Variants in XDH observed in about 807,000 individuals in gnomAD.
XDH encodes the protein xanthine dehydrogenase.
Under a neutral mutation model 156.1 loss-of-function variants are expected in XDH, and 138 were observed. That is an observed-to-expected ratio of 0.88 (90% CI 0.77 to 1.02). XDH has a LOEUF of 1.02. Among genes scored for constraint, XDH ranks in the 50% least tolerant of loss-of-function variants. The pLI, the probability that XDH is intolerant of heterozygous loss-of-function variation, is 0.00. For synonymous variants in XDH, 669 were observed against 625.7 expected, an observed-to-expected ratio of 1.07 and a Z score of -1.03; for missense variants, 1,849 against 1,684.9, an observed-to-expected ratio of 1.10 and a Z score of -1.71.
intron 1 of XDH, among the ~76,000 whole-genome samples, chr2:31,414,251 G>A (rs1227063098): frequency 6.6e-6 from 1 of 151,996 alleles, no homozygotes; most frequent in Admixed American, 6.6e-5. Flanking sequence ...TAAATTTTAG[G>A]ATATATTTGA....
At chr2:31,375,019 C>CTT (rs757150117) in intron 15 of XDH, among the ~76,000 whole-genome samples, 3,450 of 100,588 alleles carry the variant, frequency 0.034, 124 homozygotes, top group African/African-American at 0.087. Context: ...TTCTTTCTTT[C>CTT]TTTCTTTTTT....
At chr2:31,358,761 C>T (rs894292253) in intron 24 of XDH, among the ~76,000 whole-genome samples, 1 of 152,096 alleles carries the variant, frequency 6.6e-6, no homozygotes, top group Non-Finnish European at 1.5e-5. Flanking sequence ...CTTTCTTAAT[C>T]TGATCATGAG....
At chr2:31,339,766 T>A in intron 33 of XDH, 89 bp from the exon 34 acceptor site, 1 of 1,526,926 alleles carries the variant, frequency 6.5e-7, no homozygotes, top group Non-Finnish European at 8.9e-7. Context: ...AAGCGCCAAC[T>A]GCAGCGCGGC....
In XDH at chr2:31,365,621, A is replaced by G; in HGVS notation, c.2457-77T>C. On this transcript the variant is annotated intron_variant, in intron 22 of 35. Coordinates refer to ENST00000379416, the MANE Select transcript of XDH (RefSeq NM_000379.4). ...GCCCTGCAAGTCTCAGAATAAAAAC[A>G]GCCGGGAAGCCATCTTTTCCACCTG... 2.6e-6 allele frequency: 4 copies of G among 1,549,042 alleles called. No homozygotes were observed. The South Asian group carries it at 4.5e-5, about 17-fold the overall frequency.
rs561242286 is a variant in XDH, at chr2:31,338,123, T to C, written c.3775-306A>G. ...TTTAAAGTTATACTCGGTAATTGTA[T>C]TTTACAGACCACAAAATCTGACGTG... On this transcript the variant is annotated intron_variant, in intron 34 of 35. Transcript: ENST00000379416. Among the ~76,000 whole-genome samples the C allele has an allele frequency of 4.5e-3, 679 of 152,346 alleles. 5 individuals carry two copies. The highest frequency in any genetic ancestry group is 0.015 in the African/African-American group (627 of 41,578).
intron 24 of XDH, among the ~76,000 whole-genome samples, chr2:31,362,171 A>G (rs2148764749): frequency 6.6e-6 from 1 of 152,316 alleles, no homozygotes; most frequent in East Asian, 1.9e-4. Context: ...AGCTTTCCTC[A>G]GAGCACTAGG....
chr2:31,384,061 T>A, intron 9 of XDH: 2 of 552,092 alleles, frequency 3.6e-6, no homozygotes, highest in Non-Finnish European at 6.5e-6. Flanking sequence ...AACTAGGTCT[T>A]TCTTTCCCTC....
chr2:31,375,492 G>A lies in XDH; in HGVS notation c.1490C>T (p.Pro497Leu). 1.2e-6 allele frequency: 2 copies of A among 1,614,150 alleles called. No individual in the cohort carries two copies. Among genetic ancestry groups the A allele is most frequent in the South Asian group, 1.1e-5 (1 of 91,086 alleles). Residue 497 changes from proline (P) to leucine (L), a missense_variant, in exon 15 of 36, where the codon CCT (proline) becomes CTT (leucine). Physicochemically the swap from Pro to Leu is moderately conservative, Grantham distance 98. Transcript: ENST00000379416. ...CACCATGCCACCAGGGGCATCGGGA[G>A]GCAGATGCAGCTCCTCTGCCAGTCC... is the stretch of plus-strand genomic sequence containing the variant. The part of the protein sequence containing the change: ...CAGLAEELHL[P>L]PDAPGGMVDF...
Position 31,366,051 on chromosome 2 carries a change from C to A in XDH, c.2381G>T (p.Arg794Ile), listed in dbSNP as rs1445742693. 1.9e-6 allele frequency: 3 copies of A among 1,614,218 alleles called. No individual in the cohort carries two copies. The South Asian group carries it at 3.3e-5, about 18-fold the overall frequency. Residue 794 changes from arginine to isoleucine, a missense_variant, in exon 22 of 36, where the codon AGA (arginine) becomes ATA (isoleucine). Physicochemically the swap from Arg to Ile is moderately conservative, Grantham distance 97. Transcript: ENST00000379416. ...PANRIVVRVK[R>I]MGGGFGGKET... Reference sequence around the variant, plus strand: ...CTTGCCTCCAAAGCCTCCTCCCATTCTCTTCACTCGAACCACAATCCGGTT... The same window carrying A: ...CTTGCCTCCAAAGCCTCCTCCCATTATCTTCACTCGAACCACAATCCGGTT...
At chr2:31,355,766 T>C (rs1685606747) in intron 24 of XDH, among the ~76,000 whole-genome samples, 1 of 152,194 alleles carries the variant, frequency 6.6e-6, no homozygotes, top group African/African-American at 2.4e-5. Flanking sequence ...GGCAGTCTTA[T>C]GCCTCAACAC....
rs1686264026 is a variant in XDH, at chr2:31,377,034, T to C, written c.1427+19A>G. On this transcript the variant is annotated intron_variant, in intron 14 of 35. Coordinates refer to ENST00000379416, the MANE Select transcript of XDH (RefSeq NM_000379.4). ...AGCAGCAACATTAGCAGCAGTTTCATTGTGCTGTTAGCTCTTACTTGGAAA... is the reference window on the plus strand; with the variant it reads ...AGCAGCAACATTAGCAGCAGTTTCACTGTGCTGTTAGCTCTTACTTGGAAA... 1 of 1,614,056 alleles carries C rather than the reference T, an allele frequency of 6.2e-7. No homozygotes were observed. The highest frequency in any genetic ancestry group is 8.5e-7 in the Non-Finnish European group (1 of 1,179,934).
chr2:31,377,109 A>G lies in XDH; in HGVS notation c.1371T>C (p.Gly457=). The part of the protein sequence containing the change: ...TEVQELALCY[G]GMANRTISAL... ...CTGAGATGGTTCTGTTGGCCATTCC[A>G]CCATAGCAAAGGGCCAGCTCCTGTA... The change falls in exon 14 of 36, where the codon GGT becomes GGC. Residue 457 remains glycine (G), a synonymous_variant. Coordinates refer to ENST00000379416, the MANE Select transcript of XDH (RefSeq NM_000379.4). 6.2e-7 allele frequency: 1 copy of G among 1,614,092 alleles called. No homozygotes were observed. Among genetic ancestry groups the G allele is most frequent in the South Asian group, 1.1e-5 (1 of 91,076 alleles).
intron 6 of XDH, among the ~76,000 whole-genome samples, chr2:31,395,827 C>T (rs936671149): frequency 6.6e-6 from 1 of 152,188 alleles, no homozygotes; most frequent in Non-Finnish European, 1.5e-5. Flanking sequence ...GTTTGTTCAG[C>T]CTTTTTCTTC....
Position 31,366,072 on chromosome 2 carries a change from C to A in XDH, c.2360G>T (p.Arg787Leu). 6.2e-7 allele frequency: 1 copy of A among 1,614,200 alleles called. No individual in the cohort carries two copies. Among genetic ancestry groups the A allele is most frequent in the Non-Finnish European group, 8.5e-7 (1 of 1,180,044 alleles). Reference protein sequence around the residue: ...VAKMLGVPANRIVVRVKRMGG... With the variant: ...VAKMLGVPANLIVVRVKRMGG... The stretch of plus-strand genomic sequence containing the variant: ...CATTCTCTTCACTCGAACCACAATC[C>A]GGTTTGCTGGAACCCCCAACATTTT... The change falls in exon 22 of 36, where the codon CGG becomes CTG. Residue 787 changes from arginine to leucine, a missense_variant. Transcript: ENST00000379416.
chr2:31,396,223 T>C (rs905578275), intron 6 of XDH, among the ~76,000 whole-genome samples: 3 of 152,108 alleles, frequency 2.0e-5, no homozygotes, highest in Non-Finnish European at 4.4e-5. Context: ...TTGAGGGAGG[T>C]AAGTTCTGCA....
intron 1 of XDH, among the ~76,000 whole-genome samples, chr2:31,413,310 T>C (rs570257056): frequency 1.3e-5 from 2 of 152,308 alleles, no homozygotes; most frequent in South Asian, 4.1e-4. Flanking sequence ...AGGAAAGAAG[T>C]TGTTTGAAAT....
intron 6 of XDH, among the ~76,000 whole-genome samples, chr2:31,394,093 T>C (rs1348094774): frequency 2.0e-5 from 3 of 152,112 alleles, no homozygotes; most frequent in Non-Finnish European, 4.4e-5. Context: ...AAATAAAAAT[T>C]TTTATTTTAC....
intron 24 of XDH, among the ~76,000 whole-genome samples, chr2:31,360,140 A>G (rs1685738791): frequency 6.6e-6 from 1 of 152,220 alleles, no homozygotes; most frequent in Admixed American, 6.5e-5. Context: ...TAGTTTGTTA[A>G]CCAAGGAAGC....
At chr2:31,400,024 T>C (rs112518959) in intron 4 of XDH, among the ~76,000 whole-genome samples, 2 of 152,142 alleles carry the variant, frequency 1.3e-5, no homozygotes, top group African/African-American at 2.4e-5. Context: ...TGGACAAGTT[T>C]AGTAATTTCC....
Sources: allele counts gnomAD v4.1 joint callset (sites outside exome capture counted in the v4.1 genomes callset), GRCh38; gene constraint gnomAD v4.1.1; transcripts MANE v1.5; gene names NCBI Gene and HGNC (gene_info 2026-07-23, HGNC 2026-07-21).